APLF: variants seen among roughly 807,000 people sequenced by gnomAD.
APLF encodes the protein aprataxin and PNKP like factor.
A neutral mutation model predicts 55.6 loss-of-function variants in APLF; 61 were observed. The observed-to-expected ratio is 1.10, with a 90% CI of 0.89 to 1.36. The LOEUF (loss-of-function observed/expected upper bound fraction) is 1.36. APLF is among the 40% of genes most tolerant of loss of function. The pLI is 0.00. For missense variants in APLF, 611 were observed against 602.5 expected (o/e 1.01, Z -0.15); for synonymous variants, 207 against 214.8 (o/e 0.96, Z 0.32).
In APLF at chr2:68,522,737, A is replaced by T. The variant is rs552929187; in HGVS notation, c.623-3324A>T. On this transcript the variant is annotated intron_variant, in intron 5 of 9. Transcript: ENST00000303795. ...TACGTTTAATTTATAAACACATATCAGTTCAAACTGATGGAGAAAGGATAT... is the reference window on the plus strand; with the variant it reads ...TACGTTTAATTTATAAACACATATCTGTTCAAACTGATGGAGAAAGGATAT... Among the ~76,000 whole-genome samples the T allele has an allele frequency of 2.6e-5, 4 of 152,032 alleles. No homozygotes were observed. The South Asian group carries it at 8.3e-4, about 31-fold the overall frequency.
intron 8 of APLF, among the ~76,000 whole-genome samples, chr2:68,565,084 T>C (rs994595062): frequency 4.8e-4 from 73 of 152,216 alleles, no homozygotes; most frequent in African/African-American, 1.7e-3. Flanking sequence ...ATTTCCCTCA[T>C]GACAAAAAGT....
At chr2:68,569,878 A>G (rs1671405095) in intron 9 of APLF, among the ~76,000 whole-genome samples, 1 of 152,170 alleles carries the variant, frequency 6.6e-6, no homozygotes, top group Non-Finnish European at 1.5e-5. Context: ...GAGAAGACAC[A>G]TGATAGAGAA....
At chr2:68,467,974 T>C in intron 1 of APLF, 147 bp downstream of exon 1, 1 of 501,262 alleles carries the variant, frequency 2.0e-6, no homozygotes, top group Non-Finnish European at 3.1e-6. Flanking sequence ...CGTTTTTCAG[T>C]TACCTTTAAG....
At chr2:68,574,399 A>AT (rs1469392412) in intron 9 of APLF, among the ~76,000 whole-genome samples, 1 of 152,210 alleles carries the variant, frequency 6.6e-6, no homozygotes, top group Non-Finnish European at 1.5e-5. Context: ...ACATGTCAGC[A>AT]TTTATAACCC....
rs552313731 is a variant in APLF at position 68,569,785 on chromosome 2, A to G, written c.1333+2398A>G. On this transcript the variant is annotated intron_variant, in intron 9 of 9. Coordinates refer to ENST00000303795, the MANE Select transcript of APLF (RefSeq NM_173545.3). ...AAGGATGAATCAAGAGGATTTACCAACTAATCAGTTGGCTGTGATATGGGG... is the reference window on the plus strand; with the variant it reads ...AAGGATGAATCAAGAGGATTTACCAGCTAATCAGTTGGCTGTGATATGGGG... 1.7e-3 allele frequency among the ~76,000 whole-genome samples: 266 copies of G among 152,284 alleles called. 1 individual carries two copies. The highest frequency in any genetic ancestry group is 5.7e-3 in the African/African-American group (238 of 41,574).
At chr2:68,559,556 A>G (rs1447506493) in intron 8 of APLF, among the ~76,000 whole-genome samples, 2 of 152,176 alleles carry the variant, frequency 1.3e-5, no homozygotes, top group African/African-American at 4.8e-5. Flanking sequence ...CACCATTCAC[A>G]TAGTATTCAG....
intron 1 of APLF, among the ~76,000 whole-genome samples, chr2:68,485,449 CTGTGGTGA>C (rs1396689929): frequency 2.0e-5 from 3 of 152,110 alleles, no homozygotes; most frequent in Non-Finnish European, 4.4e-5. Context: ...GTTTGTCCTC[CTGTGGTGA>C]TGTGGTAAGT....
intron 6 of APLF, among the ~76,000 whole-genome samples, chr2:68,537,132 T>G (rs925369235): frequency 2.0e-5 from 3 of 146,822 alleles, no homozygotes; most frequent in Non-Finnish European, 4.5e-5. Flanking sequence ...GCCACCACAC[T>G]CCAGGTTGGG....
rs558252303 is a variant in APLF at position 68,513,108 on chromosome 2, A to G, written c.370A>G (p.Ile124Val). 8.7e-6 allele frequency: 14 copies of G among 1,610,062 alleles called. No individual in the cohort carries two copies. The South Asian group carries it at 1.4e-4, about 16-fold the overall frequency. The change falls in exon 4 of 10, where the codon ATA (isoleucine) becomes GTA (valine). Residue 124 changes from isoleucine to valine, a missense_variant. Physicochemically the swap from Ile to Val is conservative, Grantham distance 29. Coordinates refer to ENST00000303795, the MANE Select transcript of APLF (RefSeq NM_173545.3). ...CAGTCAAGTGCTTGATGAAGATAAT[A>G]TATTGAATGAAACACCAAAATCCCC... is the stretch of plus-strand genomic sequence containing the variant. ...RNSQVLDEDNILNETPKSPVI... is the reference protein window; with the variant it reads ...RNSQVLDEDNVLNETPKSPVI...
At chr2:68,554,154 A>G (rs566397999) in intron 8 of APLF, among the ~76,000 whole-genome samples, 39 of 152,204 alleles carry the variant, frequency 2.6e-4, no homozygotes, top group African/African-American at 9.4e-4. Context: ...ATGGGTATAT[A>G]TTTCATTTGT....
At chr2:68,572,943 T>C (rs1671510799) in intron 9 of APLF, among the ~76,000 whole-genome samples, 1 of 152,196 alleles carries the variant, frequency 6.6e-6, no homozygotes, top group Non-Finnish European at 1.5e-5. Context: ...TCTGCAGTAG[T>C]TTGAAGACTT....
In APLF at chr2:68,529,396, A is replaced by G; in HGVS notation, c.804+3154A>G. The G allele has an allele frequency of 7.9e-7, 1 of 1,269,936 alleles. No homozygotes were observed. The highest frequency in any genetic ancestry group is 9.9e-7 in the Non-Finnish European group (1 of 1,007,338). 78.7% of individuals were successfully genotyped at this position (1,269,936 alleles called of 1,614,324 possible). A position where few individuals can be genotyped will look rare whatever the true frequency, so the allele number is the denominator to read the frequency against. ...GGAAGGCCTCACGGACAAGACGAGC[A>G]GGTTGCCGATGGCATGGCCAGGACC... On this transcript the variant is annotated intron_variant, in intron 6 of 9. Coordinates refer to ENST00000303795, the MANE Select transcript of APLF (RefSeq NM_173545.3). This position sits in a 1 kb window ranked among gnomAD's most constrained non-coding sequence, Gnocchi z 4.4.
At chr2:68,551,569 C>T (rs1670860972) in intron 8 of APLF, among the ~76,000 whole-genome samples, 1 of 149,682 alleles carries the variant, frequency 6.7e-6, no homozygotes. Context: ...ACTGTATTTT[C>T]CAGTTCTAGG....
rs1438491752 is a variant in APLF at position 68,488,385 on chromosome 2, C to CAGT, written c.97-1804_97-1802dup. Among the ~76,000 whole-genome samples the CAGT allele has an allele frequency of 2.3e-4, 34 of 147,686 alleles. 1 individual carries two copies. Among genetic ancestry groups the CAGT allele is most frequent in the African/African-American group, 6.6e-4 (26 of 39,588 alleles). On this transcript the variant is annotated intron_variant, in intron 1 of 9. Coordinates refer to ENST00000303795, the MANE Select transcript of APLF (RefSeq NM_173545.3). ...TCACCGTGTCCCCCAGGCTGGCATG[C>CAGT]AGTGGCACGATCATGGCTCATTGCA...
intron 1 of APLF, among the ~76,000 whole-genome samples, chr2:68,482,491 T>G (rs1675993510): frequency 6.6e-6 from 1 of 152,108 alleles, no homozygotes; most frequent in Admixed American, 6.5e-5. Context: ...GTACACATAG[T>G]GAGTCAGCTG....
intron 5 of APLF, among the ~76,000 whole-genome samples, chr2:68,518,430 T>C (rs1253877196): frequency 4.4e-5 from 5 of 112,530 alleles, no homozygotes; most frequent in East Asian, 2.5e-4. Context: ...AATAATTTAT[T>C]ATATAATATA....
At chr2:68,567,279 T>A (rs1671334490) in intron 8 of APLF, 62 bp from the exon 9 acceptor site, 1 of 1,417,102 alleles carries the variant, frequency 7.1e-7, no homozygotes, top group African/African-American at 1.4e-5. Context: ...TGGTTTAGTG[T>A]AAATAGTCAT....
intron 9 of APLF, among the ~76,000 whole-genome samples, chr2:68,569,910 G>C (rs916731504): frequency 1.3e-5 from 2 of 152,090 alleles, no homozygotes; most frequent in African/African-American, 4.8e-5. Flanking sequence ...GGGGAGTTTT[G>C]TTGTTTTTGC....
At chr2:68,508,165 C>G (rs1676931416) in intron 3 of APLF, among the ~76,000 whole-genome samples, 1 of 151,672 alleles carries the variant, frequency 6.6e-6, no homozygotes, top group Non-Finnish European at 1.5e-5. Context: ...CCAAAACAAT[C>G]TTAGAAAAAA....
Sources: gnomAD v4.1 joint callset for allele counts (sites outside exome capture counted in the v4.1 genomes callset) on GRCh38, gnomAD v4.1.1 for gene constraint, Gnocchi (gnomAD v3.1) non-coding constraint, MANE v1.5 for transcripts, NCBI Gene and HGNC (gene_info 2026-07-23, HGNC 2026-07-21) for gene names.